The following BAZ2B variants were observed in gnomAD, a reference collection of about 807,000 sequenced individuals.
BAZ2B encodes bromodomain adjacent to zinc finger domain 2B.
Under a neutral mutation model 246.0 loss-of-function variants are expected in BAZ2B, and 91 were observed. That is an observed-to-expected ratio of 0.37 (90% CI 0.31 to 0.44). The LOEUF (loss-of-function observed/expected upper bound fraction) is 0.44, where lower values mean the gene tolerates loss of function less well. Among genes scored for constraint, BAZ2B ranks in the 20% least tolerant of loss-of-function variants. The pLI is 1.00. For synonymous variants in BAZ2B, 855 were observed against 860.0 expected, an observed-to-expected ratio of 0.99 and a Z score of 0.10; for missense variants, 2,332 against 2,533.7, an observed-to-expected ratio of 0.92 and a Z score of 1.71.
intron 1 of BAZ2B, among the ~76,000 whole-genome samples, chr2:159,595,761 C>G (rs984464077): frequency 6.6e-6 from 1 of 152,196 alleles, no homozygotes; most frequent in African/African-American, 2.4e-5. Context: ...ACTATCAGTC[C>G]ATAGCCCACT....
intron 2 of BAZ2B, among the ~76,000 whole-genome samples, chr2:159,531,135 A>G (rs1246466928): frequency 6.6e-6 from 1 of 152,198 alleles, no homozygotes; most frequent in Non-Finnish European, 1.5e-5. Context: ...GTTTTATTTA[A>G]AGAGAGTTTT....
intron 34 of BAZ2B, among the ~76,000 whole-genome samples, chr2:159,329,347 A>G (rs1179164966): frequency 6.6e-6 from 1 of 152,150 alleles, no homozygotes; most frequent in East Asian, 1.9e-4. Context: ...TTATATGCAA[A>G]TAATATTCCA....
intron 31 of BAZ2B, 22 bp downstream of exon 31, chr2:159,347,464 T>C (rs1355319413): frequency 6.2e-7 from 1 of 1,606,082 alleles, no homozygotes; most frequent in Non-Finnish European, 8.5e-7. Context: ...TAAAAACATA[T>C]TTTATTCCAA....
At chr2:159,516,469 T>G (rs2151221905) in intron 2 of BAZ2B, 1 of 152,628 alleles carries the variant, frequency 6.6e-6, no homozygotes, top group East Asian at 1.9e-4. Flanking sequence ...GAAAACATAA[T>G]CCAAGTAAGC....
intron 25 of BAZ2B, among the ~76,000 whole-genome samples, chr2:159,380,025 C>T (rs1007014071): frequency 3.9e-5 from 6 of 151,994 alleles, no homozygotes; most frequent in Non-Finnish European, 7.4e-5. Flanking sequence ...CACACACACA[C>T]ATCCCTCTAT....
chr2:159,439,988 G>C (rs1308295902), intron 6 of BAZ2B, among the ~76,000 whole-genome samples: 9 of 152,130 alleles, frequency 5.9e-5, no homozygotes, highest in Non-Finnish European at 1.2e-4. Flanking sequence ...GTGAAGTTTT[G>C]TGTTCAAGAA....
intron 13 of BAZ2B, among the ~76,000 whole-genome samples, chr2:159,420,463 T>C (rs1030256314): frequency 2.0e-5 from 3 of 152,222 alleles, no homozygotes; most frequent in Admixed American, 1.3e-4. Flanking sequence ...GCTTCTTCTT[T>C]GCATCTTTCA....
intron 1 of BAZ2B, among the ~76,000 whole-genome samples, chr2:159,598,284 G>A (rs6745766): frequency 0.37 from 56,162 of 151,926 alleles, 10,504 homozygotes; most frequent in South Asian, 0.46. Flanking sequence ...GAGCCACTAC[G>A]CCTGGCTGAC....
chr2:159,430,971 GGA>G lies in BAZ2B; in HGVS notation c.2084_2085del (p.Leu695ProfsTer16). The stretch of plus-strand genomic sequence containing the variant: ...GCAGAGCCTGGGGCTTTTGCTATGT[GGA>G]GGTTACGAGGTGTTGAGTGACCTGT... ...SLTGHSTPRN[L>X]HIAKAPGSAP... On this transcript the variant is annotated frameshift_variant, in exon 10 of 37. Coordinates refer to ENST00000392783, the MANE Select transcript of BAZ2B (RefSeq NM_013450.4). LOFTEE classifies it high-confidence loss of function. The G allele has an allele frequency of 6.2e-7, 1 of 1,614,030 alleles. No individual in the cohort carries two copies. The highest frequency in any genetic ancestry group is 8.5e-7 in the Non-Finnish European group (1 of 1,179,916).
chr2:159,427,075 T>A (rs1205582988), intron 13 of BAZ2B, among the ~76,000 whole-genome samples: 1 of 152,136 alleles, frequency 6.6e-6, no homozygotes, highest in Non-Finnish European at 1.5e-5. Context: ...AGTGTAATTA[T>A]AATCGTTTCT....
intron 2 of BAZ2B, among the ~76,000 whole-genome samples, chr2:159,542,630 C>T (rs554597934): frequency 6.6e-6 from 1 of 151,908 alleles, no homozygotes; most frequent in East Asian, 1.9e-4. Context: ...GAGTAAGATC[C>T]TGTCTCTAAA....
At chr2:159,649,800 A>C in the BAZ2B span, among the ~76,000 whole-genome samples, 1 of 152,158 alleles carries the variant, frequency 6.6e-6, no homozygotes, top group Non-Finnish European at 1.5e-5. Context: ...CCCTTCCTTA[A>C]AGGGGTCCCA....
rs2062477221 is a variant in BAZ2B at position 159,319,657 on chromosome 2, C to T, written c.*608G>A. The T allele has an allele frequency of 6.6e-6, 1 of 152,496 alleles. No individual in the cohort carries two copies. Among genetic ancestry groups the T allele is most frequent in the African/African-American group, 2.4e-5 (1 of 41,416 alleles). 9.4% of individuals were successfully genotyped at this position (152,496 alleles called of 1,614,324 possible). ...GCAGCAACATATATATATAAATGTA[C>T]TTGTAACTCTACAGTAAAGTTTCTT... On this transcript the variant is annotated 3_prime_UTR_variant, in exon 37 of 37. Coordinates refer to ENST00000392783, the MANE Select transcript of BAZ2B (RefSeq NM_013450.4). This position sits in a 1 kb window ranked among gnomAD's most constrained non-coding sequence, Gnocchi z 4.0.
intron 1 of BAZ2B, among the ~76,000 whole-genome samples, chr2:159,578,935 G>A (rs1442852882): frequency 6.6e-6 from 1 of 152,080 alleles, no homozygotes; most frequent in Non-Finnish European, 1.5e-5. Flanking sequence ...GTGTGTAGAG[G>A]GAAATTTATA....
intron 8 of BAZ2B, chr2:159,433,667 T>A (rs1229288262): frequency 4.8e-6 from 1 of 208,800 alleles, no homozygotes; most frequent in Admixed American, 5.4e-5. Flanking sequence ...TTTCTTTGCA[T>A]GAAATAGCCT....
In BAZ2B at chr2:159,382,752, C is replaced by T. The variant is rs1288838287; in HGVS notation, c.3812G>A (p.Gly1271Asp). The change falls in exon 25 of 37, where the codon GGC (glycine) becomes GAC (aspartate). Residue 1271 changes from glycine (G) to aspartate (D), a missense_variant. By Grantham distance (94) the Gly-to-Asp change is moderately conservative (BLOSUM62 -1). Coordinates refer to ENST00000392783, the MANE Select transcript of BAZ2B (RefSeq NM_013450.4). The part of the protein sequence containing the change: ...KKTGKRDTSG[G>D]IDLGEEQHPL... ...ATGCTGCTCTTCTCCCAGATCAATG[C>T]CACCTGAAGTGTCTCTTTTGCCTGT... 2 of 1,613,704 alleles carry T rather than the reference C, an allele frequency of 1.2e-6. No homozygotes were observed. The highest frequency in any genetic ancestry group is 1.3e-5 in the African/African-American group (1 of 74,972).
chr2:159,443,108 T>C (rs2073719989), intron 6 of BAZ2B, among the ~76,000 whole-genome samples: 2 of 152,208 alleles, frequency 1.3e-5, no homozygotes, highest in South Asian at 4.1e-4. Flanking sequence ...GGAACTGCCA[T>C]ACTGTTTTCC....
At chr2:159,395,480 G>A (rs1179860130) in intron 20 of BAZ2B, 1 of 209,096 alleles carries the variant, frequency 4.8e-6, no homozygotes, top group African/African-American at 2.3e-5. Context: ...CTAGTTTTGT[G>A]AAACTCTGGT....
chr2:159,474,301 C>T (rs571829647), intron 3 of BAZ2B, among the ~76,000 whole-genome samples: 28 of 152,316 alleles, frequency 1.8e-4, no homozygotes, highest in African/African-American at 6.5e-4. Flanking sequence ...GATCCCTTTA[C>T]CATTATGTAA....
Sources: gnomAD v4.1 joint callset for allele counts (sites outside exome capture counted in the v4.1 genomes callset) on GRCh38, gnomAD v4.1.1 for gene constraint, Gnocchi (gnomAD v3.1) non-coding constraint, MANE v1.5 for transcripts, NCBI Gene and HGNC (gene_info 2026-07-23, HGNC 2026-07-21) for gene names.